The following FAM135B variants were observed in gnomAD, a reference collection of about 807,000 sequenced individuals.
The protein encoded by FAM135B is protein FAM135B.
In FAM135B, 43 loss-of-function variants were observed where a neutral mutation model predicts 127.7. That is an observed-to-expected ratio of 0.34 (90% CI 0.26 to 0.43). The LOEUF is 0.43. FAM135B is among the 20% of genes least tolerant of loss of function. FAM135B has a pLI of 1.00. For synonymous variants in FAM135B, 670 were observed against 665.1 expected, an observed-to-expected ratio of 1.01 and a Z score of -0.11; for missense variants, 1,558 against 1,725.6, an observed-to-expected ratio of 0.90 and a Z score of 1.72.
At chr8:138,194,650 C>T (rs929097765) in intron 9 of FAM135B, among the ~76,000 whole-genome samples, 1 of 152,162 alleles carries the variant, frequency 6.6e-6, no homozygotes. Context: ...CTGTGTTAGT[C>T]ACCCTGGTAT....
chr8:138,229,200 T>C (rs1819717466), intron 7 of FAM135B, among the ~76,000 whole-genome samples: 1 of 152,148 alleles, frequency 6.6e-6, no homozygotes, highest in Non-Finnish European at 1.5e-5. Context: ...CTTCCCTCCA[T>C]GCATTGCCCC....
intron 6 of FAM135B, among the ~76,000 whole-genome samples, chr8:138,245,525 C>A (rs7465673): frequency 0.35 from 53,775 of 152,000 alleles, 9,999 homozygotes; most frequent in East Asian, 0.63. Flanking sequence ...CCGCCATGTG[C>A]AGAAGGACAT....
At chr8:138,142,295 T>C (rs1468561230) in intron 16 of FAM135B, among the ~76,000 whole-genome samples, 81 of 98,786 alleles carry the variant, frequency 8.2e-4, no homozygotes, top group Middle Eastern at 6.3e-3. Context: ...CTTCTTTTTT[T>C]TTTTTTTTTT....
chr8:138,159,521 A>G (rs12676002), intron 12 of FAM135B, among the ~76,000 whole-genome samples: 103,245 of 149,010 alleles, frequency 0.69, 35,798 homozygotes, highest in East Asian at 0.79. Context: ...ACCAAACACC[A>G]CATGTTCTCA....
intron 2 of FAM135B, among the ~76,000 whole-genome samples, chr8:138,319,086 G>GT (rs5895514): frequency 1.4e-3 from 216 of 151,716 alleles, no homozygotes; most frequent in African/African-American, 5.1e-3. Flanking sequence ...AAATCTACAA[G>GT]TTTTTTTTTT....
At chr8:138,253,172 A>C (rs867425660) in intron 5 of FAM135B, among the ~76,000 whole-genome samples, 1 of 152,268 alleles carries the variant, frequency 6.6e-6, no homozygotes, top group South Asian at 2.1e-4. Flanking sequence ...ATAAAACTGA[A>C]GTCTACTGAG....
chr8:138,221,699 C>T lies in FAM135B; in HGVS notation c.669+21243G>A, dbSNP rs1400314971. Among the ~76,000 whole-genome samples the T allele has an allele frequency of 2.0e-5, 3 of 152,152 alleles. No homozygotes were observed. The East Asian group carries it at 5.8e-4, about 29-fold the overall frequency. On this transcript the variant is annotated intron_variant, in intron 7 of 19. Transcript: ENST00000395297. Reference sequence around the variant, plus strand: ...GAGAAAACTCAGAAGGAGATTACCTCAGTGATTGGGTAAAATTAGCCTAGA... The same window carrying T: ...GAGAAAACTCAGAAGGAGATTACCTTAGTGATTGGGTAAAATTAGCCTAGA...
At chr8:138,444,984 C>A (rs1176238198) in intron 1 of FAM135B, among the ~76,000 whole-genome samples, 1 of 152,066 alleles carries the variant, frequency 6.6e-6, no homozygotes, top group Admixed American at 6.6e-5. Flanking sequence ...ACCACCGATC[C>A]CACAGAAATA....
intron 1 of FAM135B, among the ~76,000 whole-genome samples, chr8:138,448,049 G>T (rs1163776099): frequency 1.4e-5 from 2 of 146,654 alleles, no homozygotes; most frequent in African/African-American, 2.6e-5. Context: ...CTAATCTAAG[G>T]AAAAAAAATA....
chr8:138,330,945 C>A (rs866056729), intron 2 of FAM135B, among the ~76,000 whole-genome samples: 7 of 151,794 alleles, frequency 4.6e-5, no homozygotes, highest in Admixed American at 4.6e-4. Flanking sequence ...AGGGTTCAAG[C>A]GATTCTCCTG....
At chr8:138,256,499 C>G (rs11166800) in intron 5 of FAM135B, among the ~76,000 whole-genome samples, 190 bp downstream of exon 5, 2 of 151,918 alleles carry the variant, frequency 1.3e-5, no homozygotes, top group Non-Finnish European at 1.5e-5. Context: ...CTGACTAAAA[C>G]GTATGTGGTT....
At chr8:138,422,762 G>C (rs1453338363) in intron 1 of FAM135B, among the ~76,000 whole-genome samples, 1 of 152,080 alleles carries the variant, frequency 6.6e-6, no homozygotes, top group South Asian at 2.1e-4. Context: ...GTATTATTGG[G>C]TGTATATCCA....
At chr8:138,339,902 G>A (rs1249134200) in intron 2 of FAM135B, among the ~76,000 whole-genome samples, 8 of 152,254 alleles carry the variant, frequency 5.3e-5, no homozygotes, top group South Asian at 2.1e-4. Context: ...GAGTGGAAGC[G>A]TGGGGGCTGT....
intron 1 of FAM135B, among the ~76,000 whole-genome samples, chr8:138,392,758 G>T (rs1341094634): frequency 6.6e-6 from 1 of 151,952 alleles, no homozygotes; most frequent in African/African-American, 2.4e-5. Context: ...AGTCCAGCAG[G>T]GTCCTAGCAG....
Position 138,241,092 on chromosome 8 carries a change from G to A in FAM135B, c.669+1850C>T, listed in dbSNP as rs1820731083. Among the ~76,000 whole-genome samples, 2 of 152,178 alleles carry A rather than the reference G, an allele frequency of 1.3e-5. No homozygotes were observed. The highest frequency in any genetic ancestry group is 2.9e-5 in the Non-Finnish European group (2 of 68,032). On this transcript the variant is annotated intron_variant, in intron 7 of 19. Coordinates refer to ENST00000395297, the MANE Select transcript of FAM135B (RefSeq NM_015912.4). The surrounding 1 kb of genome is among the most constrained non-coding windows in gnomAD (Gnocchi z 4.8). Reference sequence around the variant, plus strand: ...AAGGAAGGAAGACTGGACATAGGGAGAAGCTGAACTGTGATGTAGTCACAG... The same window carrying A: ...AAGGAAGGAAGACTGGACATAGGGAAAAGCTGAACTGTGATGTAGTCACAG...
In FAM135B at chr8:138,136,718, G is replaced by A. The variant is rs1054834427; in HGVS notation, c.4015+429C>T. On this transcript the variant is annotated intron_variant, in intron 19 of 19. Coordinates refer to ENST00000395297, the MANE Select transcript of FAM135B (RefSeq NM_015912.4). The stretch of plus-strand genomic sequence containing the variant: ...CTCATTGTCATCTCCAGGGATCCTC[G>A]TCTGACTCTGTCCTATGTCCTGTTC... Among the ~76,000 whole-genome samples, 6 of 152,268 alleles carry A rather than the reference G, an allele frequency of 3.9e-5. No individual in the cohort carries two copies. In the East Asian group the frequency reaches 5.8e-4, roughly 15 times the overall value.
intron 1 of FAM135B, among the ~76,000 whole-genome samples, chr8:138,422,975 T>C (rs1228999676): frequency 6.6e-6 from 1 of 152,194 alleles, no homozygotes; most frequent in African/African-American, 2.4e-5. Flanking sequence ...CCAACATGGA[T>C]GCAGCTGGAG....
chr8:138,408,461 C>T (rs908449521), intron 1 of FAM135B, among the ~76,000 whole-genome samples: 1 of 152,142 alleles, frequency 6.6e-6, no homozygotes, highest in African/African-American at 2.4e-5. Context: ...GCTTTCTCAC[C>T]TCTCTCAGCC....
intron 1 of FAM135B, among the ~76,000 whole-genome samples, chr8:138,372,945 AC>A (rs1831238024): frequency 6.6e-6 from 1 of 152,154 alleles, no homozygotes; most frequent in Non-Finnish European, 1.5e-5. Flanking sequence ...ATGAGGTCCC[AC>A]TTTTCTGGCA....
Sources: gnomAD v4.1 joint callset for allele counts (sites outside exome capture counted in the v4.1 genomes callset) on GRCh38, gnomAD v4.1.1 for gene constraint, Gnocchi (gnomAD v3.1) non-coding constraint, MANE v1.5 for transcripts, NCBI Gene and HGNC (gene_info 2026-07-23, HGNC 2026-07-21) for gene names.